Variants in WDR64 observed in about 807,000 individuals in gnomAD.
WDR64 encodes WD repeat-containing protein 64.
In WDR64, 112 loss-of-function variants were observed where a neutral mutation model predicts 139.3. That is an observed-to-expected ratio of 0.80 (90% CI 0.69 to 0.94). The LOEUF (loss-of-function observed/expected upper bound fraction) is 0.94, where lower values mean the gene tolerates loss of function less well. Among genes scored for constraint, WDR64 ranks in the 40% least tolerant of loss-of-function variants. WDR64 has a pLI of 0.00. For missense variants in WDR64, 1,206 were observed against 1,293.1 expected, an observed-to-expected ratio of 0.93 and a Z score of 1.03; for synonymous variants, 444 against 437.7, an observed-to-expected ratio of 1.01 and a Z score of -0.18.
rs977967890 is a variant in WDR64 at position 241,723,214 on chromosome 1, T to C, written c.1055-83T>C. The C allele has an allele frequency of 4.0e-6, 6 of 1,516,908 alleles. No individual in the cohort carries two copies. In the African/African-American group the frequency reaches 6.9e-5, roughly 18 times the overall value. The allele number at this position is 1,516,908 out of a possible 1,614,324, so 94.0% of individuals were successfully genotyped here. ...CTGTGATTTGCTGTTCGAAGAAAGA[T>C]ACGGGTATGATACAGTGAGAGATAC... On this transcript the variant is annotated intron_variant, in intron 9 of 27. Coordinates refer to ENST00000437684, the MANE Select transcript of WDR64 (RefSeq NM_001367482.1).
chr1:241,670,581 A>T (rs1467017734), intron 2 of WDR64, among the ~76,000 whole-genome samples: 1 of 152,164 alleles, frequency 6.6e-6, no homozygotes, highest in Non-Finnish European at 1.5e-5. Flanking sequence ...CAGTTTGTTG[A>T]ATATATTAAA....
rs12130779 is a variant in WDR64 at position 241,691,681 on chromosome 1, A to G, written c.974+4086A>G. ...CAAGGTTATTATATACAAGTCAATA[A>G]CTTTCCTATATCCTAACAATTAACA... On this transcript the variant is annotated intron_variant, in intron 8 of 27. Transcript: ENST00000437684. 3.7e-3 allele frequency among the ~76,000 whole-genome samples: 568 copies of G among 152,346 alleles called. 3 individuals are homozygous for G. Among genetic ancestry groups the G allele is most frequent in the Non-Finnish European group, 6.2e-3 (424 of 68,038 alleles).
chr1:241,769,064 C>A (rs1299051364), intron 16 of WDR64, among the ~76,000 whole-genome samples: 1 of 152,064 alleles, frequency 6.6e-6, no homozygotes, highest in African/African-American at 2.4e-5. Flanking sequence ...CCCAGGAGTT[C>A]AAGACCAGTC....
chr1:241,666,529 T>C (rs560163149), intron 2 of WDR64, among the ~76,000 whole-genome samples: 5 of 152,358 alleles, frequency 3.3e-5, no homozygotes, highest in South Asian at 2.1e-4. Context: ...CAGTCTGCCA[T>C]CTACCTACAT....
intron 12 of WDR64, among the ~76,000 whole-genome samples, chr1:241,744,030 G>A (rs968212823): frequency 1.3e-5 from 2 of 152,168 alleles, no homozygotes; most frequent in Non-Finnish European, 2.9e-5. Flanking sequence ...ACTAGGATGA[G>A]TGTCACCAGG....
chr1:241,658,102 T>C (rs998764248), intron 1 of WDR64, among the ~76,000 whole-genome samples: 2 of 152,240 alleles, frequency 1.3e-5, no homozygotes, highest in Admixed American at 1.3e-4. Flanking sequence ...TTTTCTATTC[T>C]AAGCCCAATG....
chr1:241,776,877 G>A (rs967359892), intron 21 of WDR64, among the ~76,000 whole-genome samples: 2 of 152,132 alleles, frequency 1.3e-5, no homozygotes, highest in African/African-American at 2.4e-5. Flanking sequence ...TTCTCATCCT[G>A]AAATTTGTGG....
chr1:241,655,915 T>C (rs1309635861), intron 1 of WDR64, among the ~76,000 whole-genome samples: 1 of 152,126 alleles, frequency 6.6e-6, no homozygotes, highest in African/African-American at 2.4e-5. Context: ...CCCCTTATCC[T>C]CCACCATTGG....
intron 14 of WDR64, among the ~76,000 whole-genome samples, chr1:241,753,465 A>G (rs1670052349): frequency 6.6e-6 from 1 of 152,350 alleles, no homozygotes; most frequent in East Asian, 1.9e-4. Flanking sequence ...GCAGTTTGGA[A>G]GGCCAAGGCA....
At chr1:241,698,422 C>G (rs1183178694) in intron 8 of WDR64, among the ~76,000 whole-genome samples, 2 of 152,078 alleles carry the variant, frequency 1.3e-5, no homozygotes, top group African/African-American at 4.8e-5. Flanking sequence ...AATATTATCC[C>G]TGTCAAAACG....
chr1:241,683,733 T>A, intron 7 of WDR64, 32 bp downstream of exon 7: 1 of 1,431,860 alleles, frequency 7.0e-7, no homozygotes, highest in South Asian at 1.5e-5. Flanking sequence ...TTTAATTCTT[T>A]TAATAATTAT....
Position 241,674,715 on chromosome 1 carries a change from CAGAA to C in WDR64, c.454_457del (p.Lys152AspfsTer2). On this transcript the variant is annotated frameshift_variant, in exon 4 of 28. Transcript: ENST00000437684. LOFTEE classifies it high-confidence loss of function. ...CCTGGATTTACTAATAACAGCTACT[CAGAA>C]AGGATTAATAACAGTTTTTAATAAC... is the stretch of plus-strand genomic sequence containing the variant. 6.5e-7 allele frequency: 1 copy of C among 1,549,244 alleles called. No homozygotes were observed. Among genetic ancestry groups the C allele is most frequent in the Non-Finnish European group, 8.7e-7 (1 of 1,145,470 alleles).
intron 16 of WDR64, among the ~76,000 whole-genome samples, chr1:241,767,272 A>G (rs756625330): frequency 4.6e-5 from 7 of 151,856 alleles, no homozygotes; most frequent in Non-Finnish European, 8.8e-5. Context: ...TATTCCTCTC[A>G]ACCAATTAGA....
intron 8 of WDR64, among the ~76,000 whole-genome samples, chr1:241,705,437 G>A (rs2148157844): frequency 6.6e-6 from 1 of 151,766 alleles, no homozygotes; most frequent in African/African-American, 2.4e-5. Flanking sequence ...AGCTACTCGG[G>A]AGGCTGAGGC....
At chr1:241,758,400 C>T (rs1670294069) in intron 15 of WDR64, among the ~76,000 whole-genome samples, 1 of 151,724 alleles carries the variant, frequency 6.6e-6, no homozygotes, top group African/African-American at 2.4e-5. Context: ...TGCCTTTCTG[C>T]TTCATTTATT....
At chr1:241,704,681 A>T (rs761846617) in intron 8 of WDR64, among the ~76,000 whole-genome samples, 1 of 152,216 alleles carries the variant, frequency 6.6e-6, no homozygotes, top group African/African-American at 2.4e-5. Flanking sequence ...TGAAATTTTT[A>T]AAATGGGAAG....
chr1:241,771,733 G>A, intron 19 of WDR64, 36 bp downstream of exon 19: 2 of 1,385,384 alleles, frequency 1.4e-6, no homozygotes, highest in Admixed American at 2.8e-5. Context: ...TTATAATAAA[G>A]CAACTCCTTT....
chr1:241,690,134 C>A (rs891138709), intron 8 of WDR64, among the ~76,000 whole-genome samples: 3 of 152,074 alleles, frequency 2.0e-5, no homozygotes, highest in Admixed American at 1.3e-4. Flanking sequence ...CAAAAAATAA[C>A]TATACCTAGG....
intron 13 of WDR64, among the ~76,000 whole-genome samples, chr1:241,748,477 G>C (rs1669848752): frequency 6.6e-6 from 1 of 152,122 alleles, no homozygotes; most frequent in Non-Finnish European, 1.5e-5. Flanking sequence ...GGCCCATTTT[G>C]TTACTTACTT....
Sources: allele counts gnomAD v4.1 joint callset (sites outside exome capture counted in the v4.1 genomes callset), GRCh38; gene constraint gnomAD v4.1.1; transcripts MANE v1.5; gene names NCBI Gene and HGNC (gene_info 2026-07-23, HGNC 2026-07-21).